Variants in CDKN2B-AS1 observed in about 807,000 individuals in gnomAD.
CDKN2B-AS1 encodes the protein CDKN2B and CDKN2A antisense cis and trans regulatory RNA 1.
intron 4 of CDKN2B-AS1, among the ~76,000 whole-genome samples, chr9:22,099,734 AT>A: frequency 7.6e-6 from 1 of 131,048 alleles, no homozygotes; most frequent in Middle Eastern, 4.9e-3. Context: ...CTGATGTGGT[AT>A]TAATTATTAA....
chr9:22,018,769 A>T (rs547974085), intron 1 of CDKN2B-AS1, among the ~76,000 whole-genome samples: 3 of 152,374 alleles, frequency 2.0e-5, no homozygotes, highest in African/African-American at 7.2e-5. Context: ...TAATGTGAAC[A>T]TGAAATCTTG....
rs901285122 is a variant in CDKN2B-AS1, at chr9:22,005,950, A to C, written n.29+10789A>C. 6.3e-7 allele frequency: 1 copy of C among 1,597,424 alleles called. No individual in the cohort carries two copies. Among genetic ancestry groups the C allele is most frequent in the Non-Finnish European group, 8.5e-7 (1 of 1,179,312 alleles). ...GGGTGGGGGTGGGAAATTGGGTAAGAAAATAAAGTCGTTGTGGGCGGCTGG... is the reference window on the plus strand; with the variant it reads ...GGGTGGGGGTGGGAAATTGGGTAAGCAAATAAAGTCGTTGTGGGCGGCTGG... On this transcript the variant is annotated intron_variant and non_coding_transcript_variant, in intron 1 of 4. Transcript: ENST00000650946. This position sits in a 1 kb window ranked among gnomAD's most constrained non-coding sequence, Gnocchi z 4.9.
At chr9:22,066,788 C>A (rs1006287055) in intron 4 of CDKN2B-AS1, among the ~76,000 whole-genome samples, 1 of 151,930 alleles carries the variant, frequency 6.6e-6, no homozygotes, top group South Asian at 2.1e-4. Flanking sequence ...AAAATGTATT[C>A]ACAATAGCAA....
intron 4 of CDKN2B-AS1, among the ~76,000 whole-genome samples, chr9:22,065,161 T>A (rs772432489): frequency 3.3e-5 from 5 of 152,182 alleles, no homozygotes; most frequent in African/African-American, 7.2e-5. Flanking sequence ...TTCCCTGGAG[T>A]TTGAGTACCT....
chr9:22,018,390 G>A (rs1028600429), intron 1 of CDKN2B-AS1, among the ~76,000 whole-genome samples: 1 of 151,778 alleles, frequency 6.6e-6, no homozygotes, highest in Non-Finnish European at 1.5e-5. Flanking sequence ...GCGCATGGTG[G>A]CTCACGCCTG....
chr9:22,007,449 C>T (rs570161838), intron 1 of CDKN2B-AS1, among the ~76,000 whole-genome samples: 2 of 152,276 alleles, frequency 1.3e-5, no homozygotes, highest in Non-Finnish European at 2.9e-5. Flanking sequence ...TGATGTTTTG[C>T]AGGAGTAATC....
intron 4 of CDKN2B-AS1, chr9:22,066,375 T>G (rs1466271739): frequency 6.6e-6 from 1 of 151,844 alleles, no homozygotes; most frequent in African/African-American, 2.4e-5. Flanking sequence ...AATTTTTTTT[T>G]GTAGATAGAG....
At chr9:22,085,186 T>G (rs1180636690) in intron 4 of CDKN2B-AS1, among the ~76,000 whole-genome samples, 1 of 152,180 alleles carries the variant, frequency 6.6e-6, no homozygotes, top group Non-Finnish European at 1.5e-5. Flanking sequence ...TGGGTTATGA[T>G]CAAGGAGAAA....
intron 1 of CDKN2B-AS1, among the ~76,000 whole-genome samples, chr9:22,042,346 A>G (rs1313617901): frequency 1.3e-5 from 2 of 152,142 alleles, no homozygotes; most frequent in Non-Finnish European, 1.5e-5. Context: ...TCAAGGGTCT[A>G]TGAACAATTA....
chr9:22,113,429 A>T (rs944080610), intron 4 of CDKN2B-AS1, among the ~76,000 whole-genome samples: 4 of 152,246 alleles, frequency 2.6e-5, no homozygotes, highest in Non-Finnish European at 5.9e-5. Flanking sequence ...GGATTAGATT[A>T]CATCCGTCTG....
intron 4 of CDKN2B-AS1, among the ~76,000 whole-genome samples, chr9:22,058,163 C>T (rs1407370452): frequency 6.6e-6 from 1 of 152,200 alleles, no homozygotes; most frequent in African/African-American, 2.4e-5. Context: ...CATTGCACTT[C>T]AGCCTGGGCA....
At chr9:22,113,144 G>A (rs1027407279) in intron 4 of CDKN2B-AS1, among the ~76,000 whole-genome samples, 2 of 152,148 alleles carry the variant, frequency 1.3e-5, no homozygotes, top group Non-Finnish European at 2.9e-5. Flanking sequence ...TGGCTCGGCT[G>A]GGTTCTCTGC....
At chr9:22,047,476 C>T (rs1410902071) in intron 2 of CDKN2B-AS1, among the ~76,000 whole-genome samples, 2 of 152,120 alleles carry the variant, frequency 1.3e-5, no homozygotes, top group African/African-American at 4.8e-5. Context: ...AACTAATGAG[C>T]TGAAGAACTT....
At chr9:22,024,270 C>T (rs546823385) in intron 1 of CDKN2B-AS1, among the ~76,000 whole-genome samples, 1 of 152,268 alleles carries the variant, frequency 6.6e-6, no homozygotes, top group Admixed American at 6.5e-5. Flanking sequence ...GTATTGGGCC[C>T]CAACTTTGTT....
At chr9:22,051,927 T>G (rs185398946) in intron 3 of CDKN2B-AS1, among the ~76,000 whole-genome samples, 2 of 152,164 alleles carry the variant, frequency 1.3e-5, no homozygotes, top group African/African-American at 4.8e-5. Flanking sequence ...CTTGTGTTAG[T>G]TAAGATCCTG....
chr9:22,046,727 G>A (rs1182229141), intron 1 of CDKN2B-AS1: 1 of 152,130 alleles, frequency 6.6e-6, no homozygotes, highest in East Asian at 1.9e-4. Context: ...ATTAACATTT[G>A]CCTCTTTTTT....
At chr9:22,037,723 A>C (rs542499972) in intron 1 of CDKN2B-AS1, among the ~76,000 whole-genome samples, 1 of 152,206 alleles carries the variant, frequency 6.6e-6, no homozygotes, top group South Asian at 2.1e-4. Flanking sequence ...AATTTAATTC[A>C]TTCAGGGAAC....
rs531366203 is a variant in CDKN2B-AS1, at chr9:22,070,279, A to T, written n.438+13892A>T. 9.2e-5 allele frequency among the ~76,000 whole-genome samples: 14 copies of T among 152,336 alleles called. 1 individual carries two copies. In the East Asian group the frequency reaches 2.5e-3, roughly 27 times the overall value. On this transcript the variant is annotated intron_variant and non_coding_transcript_variant, in intron 4 of 4. Transcript: ENST00000650946. The stretch of plus-strand genomic sequence containing the variant: ...TGATTGATTCGATTCAGTCAAATTT[A>T]TTGAATGACTGCTGTTTCAGACACT...
chr9:22,007,188 C>T (rs3217979), intron 1 of CDKN2B-AS1, among the ~76,000 whole-genome samples: 14,098 of 151,966 alleles, frequency 0.093, 2,186 homozygotes, highest in African/African-American at 0.32. Context: ...GGTGAAATCC[C>T]GTCTCTACTA....
Sources: allele counts gnomAD v4.1 joint callset (sites outside exome capture counted in the v4.1 genomes callset), GRCh38; gene constraint gnomAD v4.1.1; non-coding constraint Gnocchi (gnomAD v3.1); transcripts MANE v1.5; gene names NCBI Gene and HGNC (gene_info 2026-07-23, HGNC 2026-07-21).